ANLN: variants seen among roughly 807,000 people sequenced by gnomAD.
ANLN encodes the protein anillin, actin binding protein, also known as anillin.
A neutral mutation model predicts 135.1 loss-of-function variants in ANLN; 59 were observed. The observed-to-expected ratio is 0.44, with a 90% confidence interval of 0.35 to 0.54. The LOEUF (loss-of-function observed/expected upper bound fraction) is 0.54, where lower values mean the gene tolerates loss of function less well. Ranked by LOEUF, ANLN falls within the 20% of genes least tolerant of loss-of-function variation. The pLI is 0.00. For synonymous variants in ANLN, 406 were observed against 456.4 expected (o/e 0.89, Z 1.41); for missense variants, 1,182 against 1,340.0 (o/e 0.88, Z 1.84).
Position 36,446,388 on chromosome 7 carries a change from G to T in ANLN, c.3078+2526G>T, listed in dbSNP as rs540352366. Among the ~76,000 whole-genome samples the T allele has an allele frequency of 3.9e-5, 6 of 151,940 alleles. No individual in the cohort carries two copies. In the East Asian group the frequency reaches 1.2e-3, roughly 29 times the overall value. On this transcript the variant is annotated intron_variant, in intron 22 of 23. Coordinates refer to ENST00000265748, the MANE Select transcript of ANLN (RefSeq NM_018685.5). Reference sequence around the variant, plus strand: ...TTCCCCACTGTGTTAGGCCATTCTTGCATTGCTATGAAGAAATACCCAAGA... The same window carrying T: ...TTCCCCACTGTGTTAGGCCATTCTTTCATTGCTATGAAGAAATACCCAAGA...
chr7:36,414,422 A>G (rs998342379), intron 7 of ANLN, among the ~76,000 whole-genome samples: 3 of 152,210 alleles, frequency 2.0e-5, no homozygotes, highest in Non-Finnish European at 4.4e-5. Context: ...TGATGAGGAC[A>G]ATCTCCTGTG....
At chr7:36,413,995 A>G (rs1787536490) in intron 7 of ANLN, among the ~76,000 whole-genome samples, 1 of 96,036 alleles carries the variant, frequency 1.0e-5, no homozygotes, top group South Asian at 4.1e-4. Flanking sequence ...CTCCGTCTCA[A>G]AAAAAAAAAA....
At chr7:36,426,112 G>A in intron 19 of ANLN, 76 bp downstream of exon 19, 1 of 1,046,546 alleles carries the variant, frequency 9.6e-7, no homozygotes, top group Non-Finnish European at 1.3e-6. Context: ...CATATATATA[G>A]GCCATCTTGA....
rs978030270 is a variant in ANLN at position 36,447,417 on chromosome 7, CT to C, written c.3079-2225del. On this transcript the variant is annotated intron_variant, in intron 22 of 23. Coordinates refer to ENST00000265748, the MANE Select transcript of ANLN (RefSeq NM_018685.5). The stretch of plus-strand genomic sequence containing the variant: ...AGCACTGCATACTACAGCAGTTGAT[CT>C]TTTTTTTTTTTTTTTTTTTTTTCTG... Among the ~76,000 whole-genome samples the C allele has an allele frequency of 5.9e-3, 622 of 105,864 alleles. 5 individuals carry two copies. Among genetic ancestry groups the C allele is most frequent in the African/African-American group, 0.019 (541 of 28,786 alleles). The allele number at this position is 105,864 out of a possible 152,430, so 69.5% of individuals were successfully genotyped here.
intron 11 of ANLN, 71 bp from the exon 12 acceptor site, chr7:36,420,526 G>T: frequency 7.3e-7 from 1 of 1,373,960 alleles, no homozygotes; most frequent in Non-Finnish European, 1.0e-6. Context: ...AAATTCTGCT[G>T]ATATGTTCAA....
chr7:36,452,473 G>C lies in ANLN; in HGVS notation c.3252-4G>C, dbSNP rs1319616286. 1 of 1,613,890 alleles carries C rather than the reference G, an allele frequency of 6.2e-7. No homozygotes were observed. Among genetic ancestry groups the C allele is most frequent in the East Asian group, 2.2e-5 (1 of 44,864 alleles). On this transcript the variant is annotated splice_polypyrimidine_tract_variant and splice_region_variant and intron_variant, in intron 23 of 23. Transcript: ENST00000265748. ...CTGACCTCTTTGGTTGTTTGTTCCT[G>C]TAGGAACTGGCTGTCTGCAGATACT...
At chr7:36,422,869 G>T (rs1206023323) in intron 14 of ANLN, 60 bp downstream of exon 14, 1 of 1,466,968 alleles carries the variant, frequency 6.8e-7, no homozygotes, top group Non-Finnish European at 9.2e-7. Context: ...AGATTGAATT[G>T]TACAGAATAG....
chr7:36,426,874 A>G (rs2116697165), intron 19 of ANLN, 42 bp from the exon 20 acceptor site: 1 of 1,319,394 alleles, frequency 7.6e-7, no homozygotes, highest in Non-Finnish European at 1.0e-6. Context: ...ATACTTAACA[A>G]AAGTCATTCT....
intron 2 of ANLN, among the ~76,000 whole-genome samples, chr7:36,398,760 G>A (rs1195303845): frequency 1.4e-5 from 2 of 147,376 alleles, no homozygotes; most frequent in African/African-American, 2.5e-5. Context: ...TTTATCCCTC[G>A]CCCCCCTTCC....
chr7:36,418,381 G>A (rs1163309468), intron 9 of ANLN, among the ~76,000 whole-genome samples: 1 of 152,202 alleles, frequency 6.6e-6, no homozygotes, highest in Admixed American at 6.5e-5. Context: ...AAGGATGGCA[G>A]GAGAGTTCTG....
In ANLN at chr7:36,421,939, A is replaced by G. The variant is rs1266599890; in HGVS notation, c.2246A>G (p.His749Arg). The G allele has an allele frequency of 6.2e-7, 1 of 1,613,770 alleles. No homozygotes were observed. The highest frequency in any genetic ancestry group is 8.5e-7 in the Non-Finnish European group (1 of 1,179,884). ...QALNCCVDEE[H>R]GKGSLEEAEA... ...CTTAACTGCTGTGTTGATGAAGAAC[A>G]TGGAAAAGGGTCCCTAGAAGAAGCT... The change falls in exon 13 of 24, where the codon CAT (histidine) becomes CGT (arginine). Residue 749 changes from histidine (H) to arginine (R), a missense_variant. This residue lies in a region of ANLN where 1,022 missense variants were observed against 1,134.0 expected (regional missense o/e 0.90). Coordinates refer to ENST00000265748, the MANE Select transcript of ANLN (RefSeq NM_018685.5).
intron 1 of ANLN, among the ~76,000 whole-genome samples, chr7:36,390,909 G>T (rs1233437071): frequency 2.6e-5 from 4 of 152,146 alleles, no homozygotes; most frequent in Non-Finnish European, 5.9e-5. Flanking sequence ...CTTTCTTTAG[G>T]CTGTTGTGCA....
Position 36,420,220 on chromosome 7 carries a change from G to C in ANLN, c.1921G>C (p.Glu641Gln), listed in dbSNP as rs748210737. The change falls in exon 11 of 24, where the codon GAA (glutamate) becomes CAA (glutamine). Residue 641 changes from glutamate (E) to glutamine (Q), a missense_variant. By Grantham distance (29) the Glu-to-Gln change is conservative. Around this residue, in one of 3 missense-constraint regions of ANLN, gnomAD observed 1,022 missense variants for 1,134.0 expected, o/e 0.90. Transcript: ENST00000265748. ...LELKDTSRSD[E>Q]SPKPGKFQRT... ...ATTGAAAGACACCAGCAGAAGTGAT[G>C]AAAGTCCAAAACCAGGAAAATTCCA... is the stretch of plus-strand genomic sequence containing the variant. 38 of 1,613,926 alleles carry C rather than the reference G, an allele frequency of 2.4e-5. No homozygotes were observed. In the East Asian group the frequency reaches 7.8e-4, roughly 33 times the overall value.
chr7:36,394,211 CAA>C (rs1259698381), intron 1 of ANLN, among the ~76,000 whole-genome samples: 1 of 152,200 alleles, frequency 6.6e-6, no homozygotes, highest in East Asian at 1.9e-4. Flanking sequence ...CTTATTGCTA[CAA>C]AGAGTCTTCT....
chr7:36,451,975 A>G (rs1284716980), intron 23 of ANLN, among the ~76,000 whole-genome samples: 1 of 152,344 alleles, frequency 6.6e-6, no homozygotes, highest in African/African-American at 2.4e-5. Context: ...ATCATGTTCT[A>G]CTAATATAGT....
chr7:36,435,390 G>A lies in ANLN; in HGVS notation c.2884-3814G>A, dbSNP rs900560953. The stretch of plus-strand genomic sequence containing the variant: ...AAAAAAGAAAATAGAGATGGTGGGG[G>A]GGGGGTCTCAGTATGTTGCCCAGGC... On this transcript the variant is annotated intron_variant, in intron 20 of 23. Coordinates refer to ENST00000265748, the MANE Select transcript of ANLN (RefSeq NM_018685.5). 3.3e-5 allele frequency among the ~76,000 whole-genome samples: 5 copies of A among 151,440 alleles called. No homozygotes were observed. The East Asian group carries it at 5.8e-4, about 18-fold the overall frequency.
intron 3 of ANLN, 38 bp from the exon 4 acceptor site, chr7:36,406,143 A>C: frequency 6.5e-7 from 1 of 1,550,192 alleles, no homozygotes; most frequent in Admixed American, 1.9e-5. Flanking sequence ...CATTACTCTT[A>C]AACATGGTTT....
At chr7:36,423,160 C>A (rs932451835) in intron 14 of ANLN, among the ~76,000 whole-genome samples, 2 of 151,986 alleles carry the variant, frequency 1.3e-5, no homozygotes, top group Non-Finnish European at 2.9e-5. Flanking sequence ...CTGATTTATA[C>A]ACAATTTATT....
chr7:36,442,535 C>A (rs529459502), intron 21 of ANLN, among the ~76,000 whole-genome samples: 14 of 152,290 alleles, frequency 9.2e-5, no homozygotes, highest in Non-Finnish European at 1.8e-4. Flanking sequence ...GAAAAGGTTT[C>A]CCTGATCTAC....
Sources: gnomAD v4.1 joint callset for allele counts (sites outside exome capture counted in the v4.1 genomes callset) on GRCh38, gnomAD v4.1.1 for gene constraint, gnomAD v4.1.1 regional missense constraint, MANE v1.5 for transcripts, NCBI Gene and HGNC (gene_info 2026-07-23, HGNC 2026-07-21) for gene names.